GPHN: variants seen among roughly 807,000 people sequenced by gnomAD.
The protein encoded by GPHN is gephyrin.
In GPHN, 17 loss-of-function variants were observed where a neutral mutation model predicts 95.5. That is an observed-to-expected ratio of 0.18 (90% CI 0.12 to 0.27). The LOEUF is 0.27. GPHN is among the 10% of genes least tolerant of loss of function. GPHN has a pLI of 1.00. For missense variants in GPHN, 660 were observed against 978.1 expected (o/e 0.67, Z 4.34); for synonymous variants, 320 against 322.5 (o/e 0.99, Z 0.08).
At chr14:67,221,902 G>T in the GPHN span, 1 of 1,485,272 alleles carries the variant, frequency 6.7e-7, no homozygotes. Context: ...AAGAGCAAAG[G>T]AATTCAGCTA....
chr14:67,389,165 C>G, the GPHN span, among the ~76,000 whole-genome samples: 286 of 152,164 alleles, frequency 1.9e-3, 1 homozygote, highest in African/African-American at 6.7e-3. Context: ...AATCAATAAT[C>G]AACTTCATAC....
At chr14:66,742,941 T>C (rs2153441581) in intron 2 of GPHN, among the ~76,000 whole-genome samples, 1 of 152,208 alleles carries the variant, frequency 6.6e-6, no homozygotes, top group East Asian at 1.9e-4. Flanking sequence ...TTTTTTTGTA[T>C]TTTTAGTAGA....
At chr14:66,783,084 C>G (rs1273780789) in intron 3 of GPHN, among the ~76,000 whole-genome samples, 1 of 152,146 alleles carries the variant, frequency 6.6e-6, no homozygotes, top group Non-Finnish European at 1.5e-5. Flanking sequence ...GTCTAGCCAA[C>G]AGACAAGGAC....
the GPHN span, chr14:67,571,600 A>AG: frequency 4.5e-6 from 3 of 673,328 alleles, no homozygotes; most frequent in African/African-American, 1.8e-5. Context: ...GAGTGAGGCC[A>AG]GGAGGGACCT....
intron 9 of GPHN, among the ~76,000 whole-genome samples, chr14:67,009,273 A>G (rs2072818888): frequency 6.6e-6 from 1 of 152,178 alleles, no homozygotes; most frequent in Admixed American, 6.5e-5. Flanking sequence ...CTTCAAAGGA[A>G]CAAAATGAGC....
the GPHN span, chr14:67,204,999 A>C: frequency 6.4e-7 from 1 of 1,561,252 alleles, no homozygotes; most frequent in South Asian, 1.2e-5. Context: ...AAGCCACGGA[A>C]GTCACAGACA....
At chr14:67,211,724 A>C in the GPHN span, among the ~76,000 whole-genome samples, 1 of 152,154 alleles carries the variant, frequency 6.6e-6, no homozygotes, top group Non-Finnish European at 1.5e-5. Flanking sequence ...GGGCAACTTA[A>C]CAAAACCCTG....
chr14:67,199,186 C>A, the GPHN span: 1 of 1,605,382 alleles, frequency 6.2e-7, no homozygotes. Flanking sequence ...GTAGTCAACA[C>A]CCACATGCCA....
chr14:67,569,228 G>A, the GPHN span: 1 of 1,601,912 alleles, frequency 6.2e-7, no homozygotes, highest in Non-Finnish European at 8.6e-7. Flanking sequence ...TGAGTTCCAA[G>A]TGAGGCTTGG....
At position 66,745,973 on chromosome 14, in the gene GPHN, A is replaced by C. The variant is rs1392171800; in HGVS notation, c.144-30491A>C. On this transcript the variant is annotated intron_variant, in intron 2 of 22. Coordinates refer to ENST00000478722, the MANE Select transcript of GPHN (RefSeq NM_020806.5). Reference sequence around the variant, plus strand: ...AAGTATGACCAGCTTCTCTCAGAGTAGAGTCTCTGAGATATATCCAAGTTG... The same window carrying C: ...AAGTATGACCAGCTTCTCTCAGAGTCGAGTCTCTGAGATATATCCAAGTTG... Among the ~76,000 whole-genome samples the C allele has an allele frequency of 2.0e-5, 3 of 152,106 alleles. No individual in the cohort carries two copies. The East Asian group carries it at 5.8e-4, about 29-fold the overall frequency.
the GPHN span, among the ~76,000 whole-genome samples, chr14:67,399,357 G>A: frequency 4.6e-5 from 7 of 150,844 alleles, no homozygotes; most frequent in South Asian, 8.6e-4. Context: ...GGTAGTTTAG[G>A]TGGTTCTCAG....
the GPHN span, among the ~76,000 whole-genome samples, chr14:67,519,231 T>C: frequency 3.9e-5 from 6 of 152,276 alleles, no homozygotes; most frequent in African/African-American, 1.4e-4. Flanking sequence ...CTGCAAGCAA[T>C]AGAAACCAAC....
the GPHN span, among the ~76,000 whole-genome samples, chr14:67,667,175 C>CTGT: frequency 6.6e-6 from 1 of 152,200 alleles, no homozygotes; most frequent in African/African-American, 2.4e-5. Flanking sequence ...AAAAACAGCA[C>CTGT]TACAGAAAGC....
In GPHN at chr14:67,051,435, A is replaced by G. The variant is rs1467892076; in HGVS notation, c.1007-7214A>G. On this transcript the variant is annotated intron_variant, in intron 10 of 22. Transcript: ENST00000478722. ...AAAAAAGAATGAAAAGGAATGAACAAAACCTCTGAGAACTATGGGATTATG... is the reference window on the plus strand; with the variant it reads ...AAAAAAGAATGAAAAGGAATGAACAGAACCTCTGAGAACTATGGGATTATG... 2.6e-5 allele frequency among the ~76,000 whole-genome samples: 4 copies of G among 152,314 alleles called. No individual in the cohort carries two copies. In the East Asian group the frequency reaches 7.7e-4, roughly 29 times the overall value.
the GPHN span, among the ~76,000 whole-genome samples, chr14:67,310,940 C>T: frequency 1.3e-4 from 20 of 152,234 alleles, no homozygotes; most frequent in East Asian, 7.7e-4. Flanking sequence ...GCTTAAAGAG[C>T]GCTTAAAAAG....
chr14:67,630,802 C>G, the GPHN span, among the ~76,000 whole-genome samples: 1 of 152,090 alleles, frequency 6.6e-6, no homozygotes, highest in Non-Finnish European at 1.5e-5. Context: ...CTGGTCTGGT[C>G]TGGAACTCCT....
intron 9 of GPHN, among the ~76,000 whole-genome samples, chr14:66,967,352 A>G (rs1167689706): frequency 6.6e-6 from 1 of 152,006 alleles, no homozygotes; most frequent in East Asian, 1.9e-4. Flanking sequence ...TTGTCTTTCT[A>G]GTAAGAAAGG....
the GPHN span, among the ~76,000 whole-genome samples, chr14:67,347,706 G>C: frequency 1.3e-5 from 2 of 151,902 alleles, no homozygotes; most frequent in African/African-American, 4.8e-5. Context: ...CTCCATGTTG[G>C]TAAGGTTGGT....
chr14:66,813,350 A>G (rs1160508232), intron 3 of GPHN, among the ~76,000 whole-genome samples: 1 of 152,236 alleles, frequency 6.6e-6, no homozygotes, highest in Non-Finnish European at 1.5e-5. Context: ...TGCTTTTAAC[A>G]GATCTTTACA....
Sources: gnomAD v4.1 joint callset for allele counts (sites outside exome capture counted in the v4.1 genomes callset) on GRCh38, gnomAD v4.1.1 for gene constraint, MANE v1.5 for transcripts, NCBI Gene and HGNC (gene_info 2026-07-23, HGNC 2026-07-21) for gene names.